Variants in TENM2 observed in about 807,000 individuals in gnomAD.
TENM2 encodes teneurin-2.
In TENM2, 52 loss-of-function variants were observed where a neutral mutation model predicts 245.2. The ratio of observed to expected loss-of-function variants is 0.21; its 90% CI spans 0.17 to 0.27. TENM2 has a LOEUF of 0.27. TENM2 is among the 10% of genes least tolerant of loss of function. TENM2 has a pLI of 1.00. For missense variants in TENM2, 3,046 were observed against 3,666.8 expected, an observed-to-expected ratio of 0.83 and a Z score of 4.37; for synonymous variants, 1,363 against 1,438.9, an observed-to-expected ratio of 0.95 and a Z score of 1.19.
At chr5:167,122,057 AT>A in the TENM2 span, among the ~76,000 whole-genome samples, 1 of 152,166 alleles carries the variant, frequency 6.6e-6, no homozygotes, top group Non-Finnish European at 1.5e-5. Flanking sequence ...AGGCAGAAAG[AT>A]TAAATTACTT....
chr5:167,262,358 C>CAA, the TENM2 span, among the ~76,000 whole-genome samples: 22 of 119,262 alleles, frequency 1.8e-4, 1 homozygote, highest in South Asian at 7.8e-4. Context: ...AACCCCATCT[C>CAA]AAAAAAAAAA....
rs561924744 is a variant in TENM2, at chr5:167,430,568, C to T, written c.502+55095C>T. Among the ~76,000 whole-genome samples the T allele has an allele frequency of 2.0e-5, 3 of 152,206 alleles. No homozygotes were observed. In the East Asian group the frequency reaches 5.8e-4, roughly 29 times the overall value. On this transcript the variant is annotated intron_variant, in intron 2 of 28. Transcript: ENST00000518659. ...CTGTCTGTTAATTTTAGCTATTCTC[C>T]GCTGGAAGTGCCATCACAACTAGAA...
exon 17 of TENM2, chr5:168,199,980 C>T (rs763789771): frequency 2.5e-6 from 4 of 1,613,836 alleles, no homozygotes; most frequent in East Asian, 4.5e-5. Context: ...CCACAGTGCC[C>T]CTGAACCTCA....
At chr5:167,333,729 A>G (rs1054589505) in intron 1 of TENM2, among the ~76,000 whole-genome samples, 4 of 152,194 alleles carry the variant, frequency 2.6e-5, no homozygotes, top group African/African-American at 9.7e-5. Context: ...ATCAATCAAC[A>G]TGACAGGGAA....
At chr5:168,245,527 A>C (rs1465009538) in intron 26 of TENM2, among the ~76,000 whole-genome samples, 1 of 151,332 alleles carries the variant, frequency 6.6e-6, no homozygotes, top group African/African-American at 2.4e-5. Context: ...TGAAAGTGCC[A>C]AATTCAGGTC....
chr5:167,241,482 G>A, the TENM2 span, among the ~76,000 whole-genome samples: 1 of 152,172 alleles, frequency 6.6e-6, no homozygotes, highest in Admixed American at 6.5e-5. Flanking sequence ...AGAGCAGAAG[G>A]AGGCAGAGAG....
chr5:168,024,273 C>T (rs138145196), intron 5 of TENM2, among the ~76,000 whole-genome samples: 100 of 152,174 alleles, frequency 6.6e-4, no homozygotes, highest in African/African-American at 2.2e-3. Context: ...CAGTACCATA[C>T]CTAAAGAGGG....
intron 2 of TENM2, among the ~76,000 whole-genome samples, chr5:167,730,305 T>A (rs923201405): frequency 6.6e-6 from 1 of 152,220 alleles, no homozygotes; most frequent in Non-Finnish European, 1.5e-5. Flanking sequence ...TAGTTCTGAC[T>A]GGAGCTGTGA....
At chr5:168,114,572 T>A (rs1032843669) in intron 9 of TENM2, among the ~76,000 whole-genome samples, 2 of 152,108 alleles carry the variant, frequency 1.3e-5, no homozygotes, top group Non-Finnish European at 1.5e-5. Context: ...AGAGGGAAGG[T>A]GCTCTCCAAT....
chr5:168,022,278 C>T (rs1394773000), intron 5 of TENM2, among the ~76,000 whole-genome samples: 1 of 152,220 alleles, frequency 6.6e-6, no homozygotes, highest in African/African-American at 2.4e-5. Flanking sequence ...AGAGTCTCCA[C>T]ATCCCAATTT....
chr5:167,322,178 A>G (rs13183992), intron 1 of TENM2, among the ~76,000 whole-genome samples: 87,555 of 150,510 alleles, frequency 0.58, 25,483 homozygotes, highest in Admixed American at 0.64. Context: ...TTGTGTGTTT[A>G]TGATGCTCGT....
chr5:167,213,705 G>A, the TENM2 span, among the ~76,000 whole-genome samples: 1 of 152,166 alleles, frequency 6.6e-6, no homozygotes, highest in African/African-American at 2.4e-5. Flanking sequence ...ATTTAGATGA[G>A]TAGCCTCTAT....
the TENM2 span, among the ~76,000 whole-genome samples, chr5:167,252,581 A>G: frequency 6.6e-6 from 1 of 152,160 alleles, no homozygotes; most frequent in Admixed American, 6.5e-5. Flanking sequence ...TGTATGGGTT[A>G]TACCTGGAAA....
chr5:167,841,374 A>G (rs967353850), intron 2 of TENM2, among the ~76,000 whole-genome samples: 2 of 152,088 alleles, frequency 1.3e-5, no homozygotes, highest in African/African-American at 4.8e-5. Context: ...TCATTTTTGT[A>G]ACTTTAACAT....
At chr5:167,855,870 G>C (rs1771039212) in intron 2 of TENM2, among the ~76,000 whole-genome samples, 2 of 99,164 alleles carry the variant, frequency 2.0e-5, no homozygotes, top group South Asian at 1.0e-3. Flanking sequence ...AGGGAGGAAG[G>C]AAGGGAGGAA....
chr5:167,547,348 G>T (rs1772631000), intron 2 of TENM2, among the ~76,000 whole-genome samples: 3 of 152,196 alleles, frequency 2.0e-5, no homozygotes, highest in African/African-American at 7.2e-5. Flanking sequence ...TGGGATTACA[G>T]GTGTGAGCCA....
the TENM2 span, among the ~76,000 whole-genome samples, chr5:167,015,300 T>C: frequency 6.6e-6 from 1 of 152,194 alleles, no homozygotes. Flanking sequence ...ATAGTAATAT[T>C]TTTGTCATAT....
intron 2 of TENM2, among the ~76,000 whole-genome samples, chr5:167,475,883 T>C (rs1767339090): frequency 6.6e-6 from 1 of 152,206 alleles, no homozygotes; most frequent in African/African-American, 2.4e-5. Flanking sequence ...CACATTTTCT[T>C]TATCCAGTCT....
At chr5:167,321,821 G>T (rs1371790830) in intron 1 of TENM2, among the ~76,000 whole-genome samples, 2 of 68,204 alleles carry the variant, frequency 2.9e-5, no homozygotes, top group Non-Finnish European at 6.2e-5. Flanking sequence ...GGCGGGGGGG[G>T]GGGTGGATGG....
Sources: allele counts gnomAD v4.1 joint callset (sites outside exome capture counted in the v4.1 genomes callset), GRCh38; gene constraint gnomAD v4.1.1; transcripts MANE v1.5; gene names NCBI Gene and HGNC (gene_info 2026-07-23, HGNC 2026-07-21).